Variants in PLCE1 observed in about 807,000 individuals in gnomAD.
The protein encoded by PLCE1 is 1-phosphatidylinositol 4,5-bisphosphate phosphodiesterase epsilon-1.
Under a neutral mutation model 242.8 loss-of-function variants are expected in PLCE1, and 119 were observed. The ratio of observed to expected loss-of-function variants is 0.49; its 90% CI spans 0.42 to 0.57. PLCE1 has a LOEUF of 0.57. Ranked by LOEUF, PLCE1 falls within the 20% of genes least tolerant of loss-of-function variation. The pLI, the probability that PLCE1 is intolerant of heterozygous loss-of-function variation, is 0.00. For missense variants in PLCE1, 2,441 were observed against 2,788.8 expected (o/e 0.88, Z 2.81); for synonymous variants, 945 against 1,017.4 (o/e 0.93, Z 1.35).
At chr10:94,321,599 GC>G (rs1485469534) in intron 29 of PLCE1, among the ~76,000 whole-genome samples, 1 of 147,262 alleles carries the variant, frequency 6.8e-6, no homozygotes, top group Non-Finnish European at 1.5e-5. Context: ...CTGCACTCCA[GC>G]CTGGGCAACA....
chr10:94,264,512 ATTTTTTTTTTTTT>A (rs59860171), intron 14 of PLCE1, among the ~76,000 whole-genome samples: 1 of 73,082 alleles, frequency 1.4e-5, no homozygotes, highest in Non-Finnish European at 2.7e-5. Flanking sequence ...ACATGATTTG[ATTTTTTTTTTTTT>A]TTTTTTTTTT....
At chr10:94,149,378 C>G (rs1040299773) in intron 3 of PLCE1, among the ~76,000 whole-genome samples, 2 of 152,220 alleles carry the variant, frequency 1.3e-5, no homozygotes, top group Non-Finnish European at 2.9e-5. Context: ...TGCCATTTCT[C>G]AATTTCTGAG....
At chr10:94,181,939 G>GA (rs1185026804) in intron 4 of PLCE1, among the ~76,000 whole-genome samples, 10 of 151,928 alleles carry the variant, frequency 6.6e-5, no homozygotes, top group South Asian at 2.1e-4. Flanking sequence ...TAACAAAAAG[G>GA]AAAAAACATA....
rs1564843738 is a variant in PLCE1, at chr10:94,265,947, C to T, written c.4270C>T (p.Leu1424Phe). The T allele has an allele frequency of 6.2e-7, 1 of 1,613,990 alleles. No individual in the cohort carries two copies. The highest frequency in any genetic ancestry group is 1.1e-5 in the South Asian group (1 of 91,078). Reference protein sequence around the residue: ...HQLKGESSVELYSQVLLQGCR... With the variant: ...HQLKGESSVEFYSQVLLQGCR... ...GCTCAAAGGAGAATCCTCGGTAGAA[C>T]TCTACAGCCAGGTACAGGGAATGCC... Residue 1424 changes from leucine to phenylalanine, a missense_variant, in exon 16 of 33, where the codon CTC (leucine) becomes TTC (phenylalanine). By Grantham distance (22) the Leu-to-Phe change is conservative. Coordinates refer to ENST00000371380, the MANE Select transcript of PLCE1 (RefSeq NM_016341.4).
chr10:94,322,555 C>A (rs879367168), intron 30 of PLCE1, among the ~76,000 whole-genome samples: 1 of 151,966 alleles, frequency 6.6e-6, no homozygotes, highest in Non-Finnish European at 1.5e-5. Flanking sequence ...GGGGCCAAGG[C>A]GGGTGGATTG....
chr10:94,258,184 C>T (rs189051062), intron 11 of PLCE1, among the ~76,000 whole-genome samples: 66 of 152,196 alleles, frequency 4.3e-4, no homozygotes, highest in African/African-American at 1.5e-3. Flanking sequence ...AGGCTGGTTT[C>T]GAACACCTGG....
At chr10:94,039,382 CTT>C (rs528351330) in intron 2 of PLCE1, among the ~76,000 whole-genome samples, 1 of 145,562 alleles carries the variant, frequency 6.9e-6, no homozygotes, top group Non-Finnish European at 1.5e-5. Context: ...TTCTCCATAT[CTT>C]TTTTTTTTTT....
intron 2 of PLCE1, among the ~76,000 whole-genome samples, chr10:94,049,511 A>G (rs7089906): frequency 0.035 from 5,304 of 152,272 alleles, 256 homozygotes; most frequent in African/African-American, 0.1. Context: ...CTGTGCCAGT[A>G]ACATTAGGAA....
In PLCE1 at chr10:94,275,063, T is replaced by C. The variant is rs186636520; in HGVS notation, c.4665+1343T>C. 3.3e-5 allele frequency among the ~76,000 whole-genome samples: 5 copies of C among 152,310 alleles called. No individual in the cohort carries two copies. In the East Asian group the frequency reaches 9.6e-4, roughly 29 times the overall value. On this transcript the variant is annotated intron_variant, in intron 19 of 32. Coordinates refer to ENST00000371380, the MANE Select transcript of PLCE1 (RefSeq NM_016341.4). ...ACACATACCACTGTGGTCTTCAAGA[T>C]AAATGATAAATGTGAATGTCCTTGC...
chr10:94,091,405 G>A (rs2045066049), intron 2 of PLCE1, among the ~76,000 whole-genome samples: 1 of 152,188 alleles, frequency 6.6e-6, no homozygotes, highest in South Asian at 2.1e-4. Context: ...ACTTTCGTAT[G>A]CCTAAGCAAC....
At chr10:94,122,588 T>C (rs1421463333) in intron 2 of PLCE1, among the ~76,000 whole-genome samples, 1 of 152,180 alleles carries the variant, frequency 6.6e-6, no homozygotes, top group Non-Finnish European at 1.5e-5. Flanking sequence ...AGTTTTGCCC[T>C]GTACTGGATT....
chr10:94,074,173 C>A (rs867894803), intron 2 of PLCE1, among the ~76,000 whole-genome samples: 1 of 149,758 alleles, frequency 6.7e-6, no homozygotes. Flanking sequence ...CATAATGTAT[C>A]ATACCAAGCA....
intron 4 of PLCE1, among the ~76,000 whole-genome samples, chr10:94,181,365 G>A (rs2136448255): frequency 6.6e-6 from 1 of 152,208 alleles, no homozygotes; most frequent in South Asian, 2.1e-4. Context: ...AAGGTCAGGA[G>A]ATCGAGACCA....
intron 4 of PLCE1, among the ~76,000 whole-genome samples, chr10:94,201,158 G>A (rs575045475): frequency 7.9e-5 from 12 of 152,154 alleles, no homozygotes; most frequent in Non-Finnish European, 1.8e-4. Flanking sequence ...TAATAAACGG[G>A]GACTTGGGTG....
rs552063151 is a variant in PLCE1, at chr10:94,248,327, T to G, written c.3096+1706T>G. Among the ~76,000 whole-genome samples, 4 of 152,300 alleles carry G rather than the reference T, an allele frequency of 2.6e-5. No individual in the cohort carries two copies. The South Asian group carries it at 8.3e-4, about 32-fold the overall frequency. ...AATGGAAAACAAATACCTGACTGTG[T>G]GTGGCGGCTTATGCCTGTAATCACA... On this transcript the variant is annotated intron_variant, in intron 8 of 32. Transcript: ENST00000371380.
rs970760655 is a variant in PLCE1, at chr10:94,079,473, T to C, written c.1206+47221T>C. On this transcript the variant is annotated intron_variant, in intron 2 of 32. Transcript: ENST00000371380. Reference sequence around the variant, plus strand: ...GTGGGGTGGGGAGCGAGGGGAGGGATAGCATTAGGAGAAATACCTAATGTA... The same window carrying C: ...GTGGGGTGGGGAGCGAGGGGAGGGACAGCATTAGGAGAAATACCTAATGTA... Among the ~76,000 whole-genome samples, 50 of 152,132 alleles carry C rather than the reference T, an allele frequency of 3.3e-4. 1 individual carries two copies. Among genetic ancestry groups the C allele is most frequent in the African/African-American group, 1.0e-3 (42 of 41,474 alleles).
chr10:94,022,824 C>A (rs2061395481), intron 1 of PLCE1, among the ~76,000 whole-genome samples: 2 of 152,004 alleles, frequency 1.3e-5, no homozygotes, highest in Non-Finnish European at 2.9e-5. Context: ...AGACTGGAAG[C>A]CCTTAAGTAA....
chr10:94,220,515 TAAGAG>T (rs2049703800), intron 4 of PLCE1, among the ~76,000 whole-genome samples: 1 of 150,438 alleles, frequency 6.6e-6, no homozygotes, highest in Non-Finnish European at 1.5e-5. Flanking sequence ...ATCCTTCTCT[TAAGAG>T]AAGACTGTAC....
intron 2 of PLCE1, among the ~76,000 whole-genome samples, chr10:94,091,400 C>T (rs1419374772): frequency 6.6e-6 from 1 of 152,146 alleles, no homozygotes; most frequent in East Asian, 1.9e-4. Context: ...TTCAAACTTT[C>T]GTATGCCTAA....
Sources: allele counts gnomAD v4.1 joint callset (sites outside exome capture counted in the v4.1 genomes callset), GRCh38; gene constraint gnomAD v4.1.1; transcripts MANE v1.5; gene names NCBI Gene and HGNC (gene_info 2026-07-23, HGNC 2026-07-21).